TRHDE: variants seen among roughly 807,000 people sequenced by gnomAD.
The protein encoded by TRHDE is thyrotropin-releasing hormone-degrading ectoenzyme.
TRHDE carries 72 observed loss-of-function variants against 125.7 expected under a neutral mutation model. The observed-to-expected ratio is 0.57, with a 90% CI of 0.47 to 0.70. TRHDE has a LOEUF of 0.70. Among genes scored for constraint, TRHDE ranks in the 30% least tolerant of loss-of-function variants. TRHDE has a pLI of 0.00. For missense variants in TRHDE, 1,110 were observed against 1,327.1 expected, an observed-to-expected ratio of 0.84 and a Z score of 2.54; for synonymous variants, 509 against 509.1, an observed-to-expected ratio of 1.00 and a Z score of 0.00.
chr12:72,598,059 T>C (rs1232394921), intron 12 of TRHDE, among the ~76,000 whole-genome samples: 1 of 151,790 alleles, frequency 6.6e-6, no homozygotes, highest in Non-Finnish European at 1.5e-5. Context: ...CTGAACAAAT[T>C]GATTATGTAA....
chr12:72,128,321 G>C (rs1875773895), intron 2 of TRHDE, among the ~76,000 whole-genome samples: 1 of 152,024 alleles, frequency 6.6e-6, no homozygotes, highest in Non-Finnish European at 1.5e-5. Flanking sequence ...CAACTGATTT[G>C]TTCTGTATTC....
Position 72,322,148 on chromosome 12 carries a change from C to G in TRHDE, c.1188+35194C>G, listed in dbSNP as rs193031988. On this transcript the variant is annotated intron_variant, in intron 2 of 18. Coordinates refer to ENST00000261180, the MANE Select transcript of TRHDE (RefSeq NM_013381.3). ...TTTCATGGTCACTCAAAGACATGAA[C>G]AGAATGGCAAAAAATTTGAGTCACC... Among the ~76,000 whole-genome samples, 805 of 152,248 alleles carry G rather than the reference C, an allele frequency of 5.3e-3. 7 individuals carry two copies. The highest frequency in any genetic ancestry group is 0.011 in the Admixed American group (171 of 15,266).
chr12:72,550,848 C>T (rs1267633362), intron 7 of TRHDE, among the ~76,000 whole-genome samples: 1 of 151,782 alleles, frequency 6.6e-6, no homozygotes, highest in Non-Finnish European at 1.5e-5. Flanking sequence ...ACTAAGTAAA[C>T]AGGATTCTTA....
intron 1 of TRHDE, among the ~76,000 whole-genome samples, chr12:72,276,051 TAAATC>T (rs1344707934): frequency 6.6e-6 from 1 of 152,144 alleles, no homozygotes; most frequent in Admixed American, 6.5e-5. Context: ...ACAAAAGAAA[TAAATC>T]TAATAAACCA....
chr12:72,467,296 A>G (rs1314876983), intron 3 of TRHDE, among the ~76,000 whole-genome samples: 1 of 143,382 alleles, frequency 7.0e-6, no homozygotes, highest in African/African-American at 2.6e-5. Flanking sequence ...ATGTGTTCTC[A>G]TTGTTCAATT....
chr12:72,621,812 G>A, intron 15 of TRHDE, 61 bp downstream of exon 15: 1 of 1,235,888 alleles, frequency 8.1e-7, no homozygotes, highest in African/African-American at 1.6e-5. Flanking sequence ...GAGTCTCAGT[G>A]GATGCATTTC....
At chr12:72,123,723 A>G (rs1875645617) in intron 2 of TRHDE, among the ~76,000 whole-genome samples, 1 of 152,156 alleles carries the variant, frequency 6.6e-6, no homozygotes, top group African/African-American at 2.4e-5. Flanking sequence ...GAAATGGATA[A>G]TTTGATGAGT....
chr12:72,482,018 A>T (rs1324862171), intron 5 of TRHDE, among the ~76,000 whole-genome samples: 1 of 151,848 alleles, frequency 6.6e-6, no homozygotes, highest in Admixed American at 6.6e-5. Flanking sequence ...ATTTTATATA[A>T]ATTAGTTTGA....
intron 2 of TRHDE, among the ~76,000 whole-genome samples, chr12:72,251,422 CTTT>C (rs34337273): frequency 1.5e-4 from 20 of 130,836 alleles, no homozygotes; most frequent in Admixed American, 2.3e-4. Flanking sequence ...GGAATTGGGG[CTTT>C]TTTTTTTTTT....
intron 6 of TRHDE, among the ~76,000 whole-genome samples, chr12:72,537,373 G>C (rs965686385): frequency 6.6e-6 from 1 of 151,954 alleles, no homozygotes; most frequent in South Asian, 2.1e-4. Flanking sequence ...TTATGGGGGC[G>C]GTTTCCCCCA....
chr12:72,591,632 GTT>G (rs71071842), intron 12 of TRHDE, among the ~76,000 whole-genome samples: 1,968 of 125,454 alleles, frequency 0.016, 65 homozygotes, highest in African/African-American at 0.059. Flanking sequence ...AAGGATATGG[GTT>G]TTTTTTTTTT....
chr12:72,170,729 A>G (rs988138245), intron 2 of TRHDE, among the ~76,000 whole-genome samples: 1 of 152,176 alleles, frequency 6.6e-6, no homozygotes, highest in Admixed American at 6.5e-5. Flanking sequence ...CACTTTAAGA[A>G]TAACTAATCT....
chr12:72,491,480 T>C (rs566365752), intron 5 of TRHDE, among the ~76,000 whole-genome samples: 1 of 152,070 alleles, frequency 6.6e-6, no homozygotes, highest in Admixed American at 6.6e-5. Context: ...AATAATTTGG[T>C]TGTATATCAT....
chr12:72,635,552 G>T (rs1873704327), intron 15 of TRHDE, among the ~76,000 whole-genome samples: 1 of 152,084 alleles, frequency 6.6e-6, no homozygotes, highest in Non-Finnish European at 1.5e-5. Flanking sequence ...ATTGCTTTTG[G>T]TGTTTTAGAC....
At chr12:72,240,113 C>A (rs1317161601) in intron 2 of TRHDE, among the ~76,000 whole-genome samples, 1 of 151,806 alleles carries the variant, frequency 6.6e-6, no homozygotes, top group East Asian at 1.9e-4. Context: ...TTTAACACCC[C>A]CTCATTTTGA....
intron 2 of TRHDE, among the ~76,000 whole-genome samples, chr12:72,157,101 A>G (rs1876531105): frequency 6.6e-6 from 1 of 151,848 alleles, no homozygotes; most frequent in Non-Finnish European, 1.5e-5. Context: ...AGGATCAGCA[A>G]CTACACTGAT....
chr12:72,540,743 A>G (rs1387696031), intron 6 of TRHDE, among the ~76,000 whole-genome samples: 1 of 151,734 alleles, frequency 6.6e-6, no homozygotes, highest in East Asian at 1.9e-4. Flanking sequence ...CTCAGATTGA[A>G]TCATAAATGC....
rs547605567 is a variant in TRHDE at position 72,237,450 on chromosome 12, T to G, written n.279+131698T>G. On this transcript the variant is annotated intron_variant and non_coding_transcript_variant, in intron 2 of 4. Coordinates refer to the TRHDE transcript ENST00000548156. ...CCATATATTGGGGTTTATTAATCTC[T>G]AGAATAACCTATAACATTGTGTGGC... Among the ~76,000 whole-genome samples the G allele has an allele frequency of 1.8e-4, 28 of 152,312 alleles. No homozygotes were observed. In the South Asian group the frequency reaches 5.2e-3, roughly 28 times the overall value.
At chr12:72,646,893 A>C (rs1420970446) in intron 15 of TRHDE, among the ~76,000 whole-genome samples, 1 of 152,064 alleles carries the variant, frequency 6.6e-6, no homozygotes, top group African/African-American at 2.4e-5. Flanking sequence ...AGCAGTATTC[A>C]ACTTTTAATA....
Sources: allele counts gnomAD v4.1 joint callset (sites outside exome capture counted in the v4.1 genomes callset), GRCh38; gene constraint gnomAD v4.1.1; transcripts MANE v1.5; gene names NCBI Gene and HGNC (gene_info 2026-07-23, HGNC 2026-07-21).